Variants in CSMD1 observed in about 807,000 individuals in gnomAD.
CSMD1 encodes CUB and sushi domain-containing protein 1.
CSMD1 carries 213 observed loss-of-function variants against 417.5 expected under a neutral mutation model. The observed-to-expected ratio is 0.51, with a 90% CI of 0.46 to 0.57. The LOEUF (loss-of-function observed/expected upper bound fraction) is 0.57. Among genes scored for constraint, CSMD1 ranks in the 20% least tolerant of loss-of-function variants. The pLI is 0.00. For synonymous variants in CSMD1, 2,862 were observed against 1,736.8 expected, an observed-to-expected ratio of 1.65 and a Z score of -16.11; for missense variants, 6,923 against 4,529.7, an observed-to-expected ratio of 1.53 and a Z score of -15.17.
At chr8:3,982,192 T>TAGTAATAA (rs372298485) in intron 5 of CSMD1, among the ~76,000 whole-genome samples, 1 of 131,764 alleles carries the variant, frequency 7.6e-6, no homozygotes, top group Non-Finnish European at 1.7e-5. Flanking sequence ...AATAATAATA[T>TAGTAATAA]TAATAAAAAA....
At chr8:3,495,337 A>G (rs1192455532) in intron 10 of CSMD1, among the ~76,000 whole-genome samples, 1 of 152,172 alleles carries the variant, frequency 6.6e-6, no homozygotes, top group Non-Finnish European at 1.5e-5. Context: ...GACTTGTTTA[A>G]AGTTCTGGTG....
intron 17 of CSMD1, among the ~76,000 whole-genome samples, chr8:3,390,435 A>G (rs1295994735): frequency 6.6e-6 from 1 of 151,810 alleles, no homozygotes; most frequent in East Asian, 1.9e-4. Flanking sequence ...ATGATAAACT[A>G]AGACCAGTCT....
intron 1 of CSMD1, among the ~76,000 whole-genome samples, chr8:4,719,566 T>A (rs1046471525): frequency 1.3e-5 from 2 of 150,854 alleles, no homozygotes; most frequent in Non-Finnish European, 2.9e-5. Flanking sequence ...TTAAGAATTA[T>A]TGCATCCTTT....
intron 12 of CSMD1, among the ~76,000 whole-genome samples, chr8:3,435,506 C>G (rs938341274): frequency 2.0e-5 from 3 of 152,024 alleles, no homozygotes; most frequent in Non-Finnish European, 2.9e-5. Flanking sequence ...TTCCTGAAGC[C>G]CACTCTGTCC....
intron 10 of CSMD1, among the ~76,000 whole-genome samples, chr8:3,502,278 T>G (rs1796634771): frequency 6.7e-6 from 1 of 148,964 alleles, no homozygotes; most frequent in Admixed American, 6.9e-5. Flanking sequence ...GGCAGGAGAC[T>G]GACGCGAACC....
chr8:3,362,021 C>A (rs1809218704), intron 20 of CSMD1, among the ~76,000 whole-genome samples: 1 of 152,164 alleles, frequency 6.6e-6, no homozygotes, highest in South Asian at 2.1e-4. Context: ...CTTCAGAATT[C>A]CATCTTCTCA....
intron 1 of CSMD1, among the ~76,000 whole-genome samples, chr8:4,947,911 C>G (rs1299190370): frequency 1.3e-5 from 2 of 152,076 alleles, no homozygotes; most frequent in Non-Finnish European, 2.9e-5. Context: ...TCCTGTAAGA[C>G]ATTCGGGTAA....
chr8:4,529,487 A>C (rs1796683161), intron 2 of CSMD1, among the ~76,000 whole-genome samples: 1 of 152,216 alleles, frequency 6.6e-6, no homozygotes, highest in Non-Finnish European at 1.5e-5. Flanking sequence ...AATGATTTAT[A>C]ACTATTATTT....
At chr8:3,415,768 C>T (rs2116949535) in intron 12 of CSMD1, among the ~76,000 whole-genome samples, 1 of 152,204 alleles carries the variant, frequency 6.6e-6, no homozygotes, top group African/African-American at 2.4e-5. Context: ...TTCTTTATTT[C>T]AGACTGAGAT....
chr8:4,363,446 G>A (rs1391768896), intron 3 of CSMD1, among the ~76,000 whole-genome samples: 1 of 152,120 alleles, frequency 6.6e-6, no homozygotes, highest in African/African-American at 2.4e-5. Flanking sequence ...CTCATTTAGG[G>A]TCTTTCCAGC....
intron 3 of CSMD1, among the ~76,000 whole-genome samples, chr8:4,272,352 T>G (rs1350528791): frequency 1.3e-5 from 2 of 152,202 alleles, no homozygotes; most frequent in Non-Finnish European, 2.9e-5. Flanking sequence ...GTTATTCCAC[T>G]AATTGCTGTA....
chr8:4,859,824 A>C (rs1267410394), intron 1 of CSMD1, among the ~76,000 whole-genome samples: 3 of 152,164 alleles, frequency 2.0e-5, no homozygotes, highest in East Asian at 1.9e-4. Context: ...ACTGTAAACT[A>C]GTTCAACCAT....
At chr8:3,549,061 C>T (rs909425061) in intron 10 of CSMD1, among the ~76,000 whole-genome samples, 2 of 152,216 alleles carry the variant, frequency 1.3e-5, no homozygotes, top group African/African-American at 4.8e-5. Flanking sequence ...CTGATATCAA[C>T]CCCACTTCCC....
At chr8:3,615,751 C>T (rs1247065916) in intron 8 of CSMD1, among the ~76,000 whole-genome samples, 1 of 152,054 alleles carries the variant, frequency 6.6e-6, no homozygotes, top group Admixed American at 6.6e-5. Context: ...GCTCTGTGAA[C>T]CTTTTTTTGG....
chr8:4,624,944 G>C (rs1802012366), intron 2 of CSMD1, among the ~76,000 whole-genome samples: 1 of 152,246 alleles, frequency 6.6e-6, no homozygotes, highest in Non-Finnish European at 1.5e-5. Flanking sequence ...GAGAACAGCA[G>C]TTTTCATAAC....
At chr8:3,810,077 G>A (rs1002113735) in intron 5 of CSMD1, among the ~76,000 whole-genome samples, 1 of 152,116 alleles carries the variant, frequency 6.6e-6, no homozygotes, top group African/African-American at 2.4e-5. Context: ...TATCATGCTT[G>A]TCACATTTAA....
intron 1 of CSMD1, among the ~76,000 whole-genome samples, chr8:4,813,269 T>C (rs1799010161): frequency 6.6e-6 from 1 of 152,172 alleles, no homozygotes; most frequent in Non-Finnish European, 1.5e-5. Context: ...AGTAATGATC[T>C]TTCTGTTAAA....
intron 3 of CSMD1, among the ~76,000 whole-genome samples, chr8:4,328,023 T>G (rs1799654988): frequency 1.3e-5 from 2 of 152,140 alleles, no homozygotes; most frequent in African/African-American, 4.8e-5. Context: ...TGATAAGAGG[T>G]ACTTAGCGTC....
At chr8:4,558,845 G>T (rs1798206800) in intron 2 of CSMD1, among the ~76,000 whole-genome samples, 1 of 152,146 alleles carries the variant, frequency 6.6e-6, no homozygotes, top group Admixed American at 6.5e-5. Flanking sequence ...TCCAGACTGG[G>T]CAACAAAGTG....
Sources: allele counts gnomAD v4.1 joint callset (sites outside exome capture counted in the v4.1 genomes callset), GRCh38; gene constraint gnomAD v4.1.1; transcripts MANE v1.5; gene names NCBI Gene and HGNC (gene_info 2026-07-23, HGNC 2026-07-21).